Variants in JAG1 observed in about 807,000 individuals in gnomAD.
JAG1 encodes protein jagged-1.
Under a neutral mutation model 148.7 loss-of-function variants are expected in JAG1, and 23 were observed. The observed-to-expected ratio is 0.15, with a 90% confidence interval of 0.11 to 0.22. JAG1 has a LOEUF of 0.22. JAG1 is among the 10% of genes least tolerant of loss of function. The probability of loss-of-function intolerance (pLI) is 1.00; values close to 1 mark genes in which losing one functional copy is unlikely to be tolerated. For synonymous variants in JAG1, 572 were observed against 598.3 expected (o/e 0.96, Z 0.64); for missense variants, 1,054 against 1,611.2 (o/e 0.65, Z 5.92).
chr20:10,649,274 A>G (rs747105279), intron 10 of JAG1, among the ~76,000 whole-genome samples, 167 bp from the exon 11 acceptor site: 4 of 152,194 alleles, frequency 2.6e-5, no homozygotes, highest in Non-Finnish European at 5.9e-5. Context: ...TAATTCTTCC[A>G]GAATGAGGGA....
chr20:10,663,988 C>A lies in JAG1; in HGVS notation c.414G>T (p.Ala138=). ...GAACGGTGTCATTACTGGAATCCCA[C>A]GCCTCCACAAGCAACGTATAGGACC... ...WPRSYTLLVE[A]WDSSNDTVQP... The change falls in exon 3 of 26, where the codon GCG becomes GCT. Residue 138 remains alanine, a synonymous_variant. Transcript: ENST00000254958. 1 of 1,613,948 alleles carries A rather than the reference C, an allele frequency of 6.2e-7. No homozygotes were observed. Among genetic ancestry groups the A allele is most frequent in the Non-Finnish European group, 8.5e-7 (1 of 1,179,810 alleles).
rs1221308695 is a variant in JAG1, at chr20:10,641,820, G to A, written c.2645C>T (p.Thr882Ile). 1.2e-6 allele frequency: 2 copies of A among 1,614,038 alleles called. No homozygotes were observed. ...GATCCGTCCATTCAGGCACTGGCAG[G>A]TATTACAGTCATCATCCCATTTGGC... ...DGAKWDDDCN[T>I]CQCLNGRIAC... Residue 882 changes from threonine to isoleucine, a missense_variant, in exon 22 of 26, where the codon ACC becomes ATC. Thr to Ile is a moderately conservative substitution (Grantham distance 89). Coordinates refer to ENST00000254958, the MANE Select transcript of JAG1 (RefSeq NM_000214.3).
chr20:10,650,043 C>G (rs755415818), intron 9 of JAG1, among the ~76,000 whole-genome samples: 1 of 152,220 alleles, frequency 6.6e-6, no homozygotes, highest in Non-Finnish European at 1.5e-5. Context: ...AGGAATCCCA[C>G]GACTTTCCCA....
Position 10,641,739 on chromosome 20 carries a change from T to C in JAG1, c.2682+44A>G, listed in dbSNP as rs779924376. On this transcript the variant is annotated intron_variant, in intron 22 of 25. Coordinates refer to ENST00000254958, the MANE Select transcript of JAG1 (RefSeq NM_000214.3). ...GCAGCTTAGCAGGCATGCTCATCCCTGATTCCAGAACACAGGTGAACTGCG... is the reference window on the plus strand; with the variant it reads ...GCAGCTTAGCAGGCATGCTCATCCCCGATTCCAGAACACAGGTGAACTGCG... 1.5e-5 allele frequency: 24 copies of C among 1,610,568 alleles called. No homozygotes were observed. The East Asian group carries it at 4.5e-4, about 30-fold the overall frequency.
At chr20:10,641,325 C>T (rs920899541) in intron 23 of JAG1, 81 bp from the exon 24 acceptor site, 37 of 1,580,924 alleles carry the variant, frequency 2.3e-5, no homozygotes, top group Non-Finnish European at 3.1e-5. Flanking sequence ...TTGAGGCTGG[C>T]TAAGTTCAAG....
At chr20:10,649,804 C>CT in intron 9 of JAG1, 169 bp from the exon 10 acceptor site, 1 of 649,536 alleles carries the variant, frequency 1.5e-6, no homozygotes, top group Non-Finnish European at 2.8e-6. Context: ...TGATCCCTCT[C>CT]CCTAGCTATT....
At chr20:10,642,649 G>A in intron 20 of JAG1, 48 bp from the exon 21 acceptor site, 4 of 1,097,912 alleles carry the variant, frequency 3.6e-6, no homozygotes, top group East Asian at 2.3e-5. Context: ...GTGTGGCAAT[G>A]TTTTGAGATT....
chr20:10,653,443 G>A (rs970904794), intron 5 of JAG1, among the ~76,000 whole-genome samples: 5 of 150,482 alleles, frequency 3.3e-5, no homozygotes, highest in African/African-American at 9.8e-5. Context: ...GTGGGAGAGG[G>A]GGCAGCGTCT....
At chr20:10,655,639 T>C in intron 5 of JAG1, among the ~76,000 whole-genome samples, 1 of 152,164 alleles carries the variant, frequency 6.6e-6, no homozygotes, top group East Asian at 1.9e-4. Flanking sequence ...AAAGGATCCA[T>C]TTAGCGTTAC....
intron 5 of JAG1, among the ~76,000 whole-genome samples, chr20:10,656,127 A>C (rs2067377323): frequency 6.6e-6 from 1 of 152,254 alleles, no homozygotes; most frequent in African/African-American, 2.4e-5. Context: ...GAAGATTATA[A>C]AAATGTGTTA....
At chr20:10,650,188 G>T in intron 9 of JAG1, 59 bp downstream of exon 9, 2 of 1,062,094 alleles carry the variant, frequency 1.9e-6, no homozygotes, top group East Asian at 2.4e-5. Context: ...CTTCTGTAAT[G>T]GCTTTGACAA....
intron 2 of JAG1, among the ~76,000 whole-genome samples, chr20:10,665,115 AAAT>A (rs1454665420): frequency 1.3e-5 from 2 of 152,220 alleles, no homozygotes; most frequent in African/African-American, 4.8e-5. Flanking sequence ...TGTATAGATT[AAAT>A]AATACCGTGC....
chr20:10,646,825 CAAAA>C (rs79074328), intron 14 of JAG1, 110 bp downstream of exon 14: 26 of 888,292 alleles, frequency 2.9e-5, no homozygotes, highest in Admixed American at 2.2e-4. Flanking sequence ...AATTCGGTCT[CAAAA>C]AAAAAAAAAA....
Position 10,662,759 on chromosome 20 carries a change from C to A in JAG1, c.439+1204G>T, listed in dbSNP as rs569465252. 3.3e-5 allele frequency among the ~76,000 whole-genome samples: 5 copies of A among 152,242 alleles called. No homozygotes were observed. In the South Asian group the frequency reaches 8.3e-4, roughly 25 times the overall value. ...TGCCACCCCCACACACACCCCCCCA[C>A]GGCATTACAGGGTAGCCCTCTGGGG... is the stretch of plus-strand genomic sequence containing the variant. On this transcript the variant is annotated intron_variant, in intron 3 of 25. Transcript: ENST00000254958.
chr20:10,640,616 G>A (rs1029237677), intron 25 of JAG1, among the ~76,000 whole-genome samples, 167 bp downstream of exon 25: 1 of 152,236 alleles, frequency 6.6e-6, no homozygotes, highest in Admixed American at 6.5e-5. Flanking sequence ...CTGTTCCCAT[G>A]GGCCATGTGA....
intron 3 of JAG1, among the ~76,000 whole-genome samples, chr20:10,661,736 T>C (rs2067418834): frequency 6.6e-6 from 1 of 152,120 alleles, no homozygotes; most frequent in South Asian, 2.1e-4. Context: ...GAGAAAGCAC[T>C]AGAGGTGAGT....
At chr20:10,664,337 CAA>C (rs2067437316) in intron 2 of JAG1, among the ~76,000 whole-genome samples, 2 of 150,954 alleles carry the variant, frequency 1.3e-5, no homozygotes, top group African/African-American at 4.9e-5. Context: ...TATAGTTTCC[CAA>C]AACTTTCCAG....
chr20:10,648,951 T>A, intron 11 of JAG1, 110 bp downstream of exon 11: 1 of 1,050,690 alleles, frequency 9.5e-7, no homozygotes, highest in Middle Eastern at 2.0e-4. Context: ...GAGACTCTTT[T>A]TTCACCCAAA....
intron 19 of JAG1, among the ~76,000 whole-genome samples, 153 bp downstream of exon 19, chr20:10,644,204 A>G (rs370460206): frequency 1.3e-5 from 2 of 151,706 alleles, no homozygotes; most frequent in East Asian, 3.9e-4. Flanking sequence ...CTTGTTAGAA[A>G]AGCAGTCTGA....
Sources: allele counts gnomAD v4.1 joint callset (sites outside exome capture counted in the v4.1 genomes callset), GRCh38; gene constraint gnomAD v4.1.1; transcripts MANE v1.5; gene names NCBI Gene and HGNC (gene_info 2026-07-23, HGNC 2026-07-21).